Variants in MECR observed in about 807,000 individuals in gnomAD.
The protein encoded by MECR is enoyl-[acyl-carrier-protein] reductase, mitochondrial.
MECR carries 37 observed loss-of-function variants against 49.1 expected under a neutral mutation model. The observed-to-expected ratio is 0.75, with a 90% confidence interval of 0.58 to 0.99. The LOEUF is 0.99. Among genes scored for constraint, MECR ranks in the 50% least tolerant of loss-of-function variants. The pLI is 0.00. For synonymous variants in MECR, 198 were observed against 191.1 expected (o/e 1.04, Z -0.30); for missense variants, 470 against 479.6 (o/e 0.98, Z 0.19).
chr1:29,184,163 C>T, the MECR span, among the ~76,000 whole-genome samples: 1 of 141,262 alleles, frequency 7.1e-6, no homozygotes, highest in East Asian at 2.0e-4. Flanking sequence ...CAGGCGTGAG[C>T]CACTGTACCC....
chr1:29,178,167 T>C, the MECR span, among the ~76,000 whole-genome samples: 1 of 151,872 alleles, frequency 6.6e-6, no homozygotes, highest in Admixed American at 6.6e-5. Flanking sequence ...CCCAAGGTGA[T>C]GGGATTACAG....
At chr1:29,223,123 A>C (rs150359810) in intron 1 of MECR, 1 of 985,432 alleles carries the variant, frequency 1.0e-6, no homozygotes, top group African/African-American at 1.7e-5. Flanking sequence ...CTAGATCTCA[A>C]ATTGCTTCCC....
At position 29,226,724 on chromosome 1, in the gene MECR, C is replaced by T. The variant is rs148177969; in HGVS notation, c.176+4007G>A. Among the ~76,000 whole-genome samples the T allele has an allele frequency of 2.1e-3, 320 of 152,136 alleles. 2 individuals carry two copies. Among genetic ancestry groups the T allele is most frequent in the African/African-American group, 7.1e-3 (294 of 41,504 alleles). On this transcript the variant is annotated intron_variant, in intron 1 of 9. Coordinates refer to ENST00000263702, the MANE Select transcript of MECR (RefSeq NM_016011.5). ...ATAAGTGCCTTTCAATCTACTTGAG[C>T]TTCAATTTCCTTATCTGTAAAGTGG...
the MECR span, among the ~76,000 whole-genome samples, chr1:29,179,618 C>G: frequency 1.3e-5 from 2 of 152,178 alleles, no homozygotes; most frequent in Non-Finnish European, 2.9e-5. Context: ...ATTGCAGGCA[C>G]AAGTCACCAT....
chr1:29,222,250 C>T (rs939159574), intron 1 of MECR, among the ~76,000 whole-genome samples: 20 of 152,164 alleles, frequency 1.3e-4, no homozygotes, highest in Non-Finnish European at 2.2e-4. Flanking sequence ...CGTGCCACCA[C>T]GCCTGGCTAA....
intron 1 of MECR, chr1:29,224,431 G>A (rs1327795558): frequency 6.6e-6 from 1 of 152,194 alleles, no homozygotes; most frequent in Non-Finnish European, 1.5e-5. Flanking sequence ...AACCATTGGT[G>A]AGCAGGCAGT....
Position 29,206,819 on chromosome 1 carries a change from C to T in MECR, c.493G>A (p.Gly165Ser). The change falls in exon 4 of 10, where the codon GGT becomes AGT. Residue 165 changes from glycine to serine, a missense_variant. By Grantham distance (56) the Gly-to-Ser change is moderately conservative. Transcript: ENST00000263702. Reference protein sequence around the residue: ...DIPLQSAATLGVNPCTAYRML... With the variant: ...DIPLQSAATLSVNPCTAYRML... ...CTGTAGGCTGTGCAGGGATTGACAC[C>T]CAGGGTGGCAGCGCTCTGAAGAGGG... is the stretch of plus-strand genomic sequence containing the variant. 6.2e-7 allele frequency: 1 copy of T among 1,614,138 alleles called. No homozygotes were observed.
chr1:29,194,406 C>T (rs916729917), intron 9 of MECR, among the ~76,000 whole-genome samples: 2 of 152,134 alleles, frequency 1.3e-5, no homozygotes, highest in Non-Finnish European at 2.9e-5. Context: ...GCTCTAGGGG[C>T]TGAGGGGCAG....
rs149120168 is a variant in MECR, at chr1:29,206,820, C to G, written c.492G>C (p.Leu164=). 1 of 1,614,208 alleles carries G rather than the reference C, an allele frequency of 6.2e-7. No homozygotes were observed. The highest frequency in any genetic ancestry group is 8.5e-7 in the Non-Finnish European group (1 of 1,180,046). Residue 164 remains leucine (L), a synonymous_variant, in exon 4 of 10, where the codon CTG becomes CTC. Transcript: ENST00000263702. The part of the protein sequence containing the change: ...SDIPLQSAAT[L]GVNPCTAYRM... ...TGTAGGCTGTGCAGGGATTGACACC[C>G]AGGGTGGCAGCGCTCTGAAGAGGGA...
At chr1:29,170,823 A>C in the MECR span, 1 of 150,256 alleles carries the variant, frequency 6.7e-6, no homozygotes, top group Middle Eastern at 3.2e-3. Context: ...TCTTCTCTCT[A>C]GGTCTTGGGG....
At chr1:29,216,719 A>C (rs772328028) in intron 1 of MECR, 34 bp from the exon 2 acceptor site, 2 of 1,614,108 alleles carry the variant, frequency 1.2e-6, no homozygotes, top group South Asian at 2.2e-5. Flanking sequence ...TGTTCATGTC[A>C]TCCAGGCTAG....
intron 1 of MECR, among the ~76,000 whole-genome samples, chr1:29,220,067 C>T (rs1368112092): frequency 3.3e-5 from 5 of 151,984 alleles, no homozygotes; most frequent in Non-Finnish European, 7.4e-5. Flanking sequence ...TGGGATCGAA[C>T]TTTTCTCACT....
At chr1:29,198,051 C>T (rs777507485) in intron 7 of MECR, among the ~76,000 whole-genome samples, 1 of 152,212 alleles carries the variant, frequency 6.6e-6, no homozygotes, top group Non-Finnish European at 1.5e-5. Context: ...TGTTCCGCCT[C>T]AGATTCTCAG....
At chr1:29,168,971 G>A in the MECR span, 2 of 152,138 alleles carry the variant, frequency 1.3e-5, no homozygotes, top group Non-Finnish European at 2.9e-5. Context: ...AACCAGAAAA[G>A]TACCATGCAG....
At chr1:29,200,654 C>A in intron 6 of MECR, 65 bp from the exon 7 acceptor site, 1 of 1,421,596 alleles carries the variant, frequency 7.0e-7, no homozygotes, top group South Asian at 1.2e-5. Context: ...TGAAGCTTGC[C>A]CAAGTGCTGT....
chr1:29,223,305 G>T (rs12740801), intron 1 of MECR: 15,767 of 985,282 alleles, frequency 0.016, 144 homozygotes, highest in Middle Eastern at 0.056. Flanking sequence ...GCAGGCAGAA[G>T]AAAGAGCCTT....
In MECR at chr1:29,215,866, C is replaced by T. The variant is rs537063048; in HGVS notation, c.406+139G>A. On this transcript the variant is annotated intron_variant, in intron 3 of 9. Coordinates refer to ENST00000263702, the MANE Select transcript of MECR (RefSeq NM_016011.5). The stretch of plus-strand genomic sequence containing the variant: ...AGCCTGGGCAATAAGAGCAAAACTC[C>T]GTCTCAAAATAAATAAATAAATAAA... 1.1e-4 allele frequency: 116 copies of T among 1,063,738 alleles called. 1 individual carries two copies. The African/African-American group carries it at 1.7e-3, about 16-fold the overall frequency. The allele number at this position is 1,063,738 out of a possible 1,614,324, so 65.9% of individuals were successfully genotyped here.
chr1:29,189,010 A>C (rs185678649), downstream of MECR, among the ~76,000 whole-genome samples: 1 of 148,784 alleles, frequency 6.7e-6, no homozygotes, highest in East Asian at 2.0e-4. Flanking sequence ...TGCGACCTCG[A>C]CTCACTGCAA....
At chr1:29,181,538 C>A in the MECR span, 5 of 988,844 alleles carry the variant, frequency 5.1e-6, no homozygotes, top group Non-Finnish European at 7.1e-6. Context: ...CCTGGCCAGG[C>A]CGGTAGCCGC....
Sources: allele counts gnomAD v4.1 joint callset (sites outside exome capture counted in the v4.1 genomes callset), GRCh38; gene constraint gnomAD v4.1.1; transcripts MANE v1.5; gene names NCBI Gene and HGNC (gene_info 2026-07-23, HGNC 2026-07-21).